KLRG1: variants seen among roughly 807,000 people sequenced by gnomAD.
KLRG1 encodes killer cell lectin-like receptor subfamily G member 1.
KLRG1 carries 16 observed loss-of-function variants against 21.8 expected under a neutral mutation model. That is an observed-to-expected ratio of 0.73 (90% CI 0.50 to 1.11). KLRG1 has a LOEUF of 1.11. Ranked by LOEUF, KLRG1 falls within the 50% of genes most tolerant of loss-of-function variation. KLRG1 has a pLI of 0.00. For missense variants in KLRG1, 173 were observed against 218.3 expected, an observed-to-expected ratio of 0.79 and a Z score of 1.31; for synonymous variants, 69 against 75.9, an observed-to-expected ratio of 0.91 and a Z score of 0.47.
the KLRG1 span, among the ~76,000 whole-genome samples, chr12:9,133,573 C>T: frequency 6.6e-6 from 1 of 152,134 alleles, no homozygotes; most frequent in Non-Finnish European, 1.5e-5. Flanking sequence ...GGAGATCCAA[C>T]ATAGATTGTG....
chr12:9,173,263 A>T, the KLRG1 span, among the ~76,000 whole-genome samples: 139 of 152,358 alleles, frequency 9.1e-4, no homozygotes, highest in Middle Eastern at 0.017. Context: ...TCAAGAAGTT[A>T]TTTGAAACTA....
the KLRG1 span, among the ~76,000 whole-genome samples, chr12:9,022,833 GA>G: frequency 6.6e-6 from 1 of 152,156 alleles, no homozygotes; most frequent in Admixed American, 6.5e-5. Flanking sequence ...CCTATGTAAT[GA>G]AGCTTCCATA....
the KLRG1 span, chr12:9,101,221 A>C: frequency 1.9e-6 from 3 of 1,553,596 alleles, no homozygotes; most frequent in South Asian, 3.6e-5. Context: ...CAAAAAAGGA[A>C]ATAAAAAGAA....
intron 3 of KLRG1, among the ~76,000 whole-genome samples, chr12:9,000,373 TA>T (rs755278109): frequency 6.6e-6 from 1 of 152,202 alleles, no homozygotes; most frequent in Non-Finnish European, 1.5e-5. Flanking sequence ...TAAGCTAGGA[TA>T]TTTCCACTAT....
At chr12:9,104,163 A>G in the KLRG1 span, 2 of 1,453,794 alleles carry the variant, frequency 1.4e-6, no homozygotes, top group Non-Finnish European at 1.9e-6. Flanking sequence ...CACAGTTTGG[A>G]AATTTTCTCA....
In KLRG1 at chr12:9,009,910, A is replaced by G; in HGVS notation, c.*373A>G. 2 of 1,521,754 alleles carry G rather than the reference A, an allele frequency of 1.3e-6. No individual in the cohort carries two copies. The highest frequency in any genetic ancestry group is 2.4e-5 in the South Asian group (2 of 82,512). 94.3% of individuals were successfully genotyped at this position (1,521,754 alleles called of 1,614,324 possible). A position where few individuals can be genotyped will look rare whatever the true frequency, so the allele number is the denominator to read the frequency against. ...AATCTGATAAAATCTATGCCAATAT[A>G]TACTATTGCTTGTGTACTAGAGAAG... On this transcript the variant is annotated 3_prime_UTR_variant, in exon 5 of 5. Coordinates refer to ENST00000356986, the MANE Select transcript of KLRG1 (RefSeq NM_005810.4).
chr12:9,088,502 T>C, the KLRG1 span, among the ~76,000 whole-genome samples: 1 of 152,136 alleles, frequency 6.6e-6, no homozygotes, highest in Non-Finnish European at 1.5e-5. Context: ...GTACATTTTA[T>C]GTGTTACATC....
chr12:9,048,261 C>G, the KLRG1 span, among the ~76,000 whole-genome samples: 186 of 152,130 alleles, frequency 1.2e-3, 2 homozygotes, highest in South Asian at 3.7e-3. Flanking sequence ...TAACATACTT[C>G]TAAATGACAT....
chr12:9,052,174 C>A, the KLRG1 span, among the ~76,000 whole-genome samples: 1 of 152,292 alleles, frequency 6.6e-6, no homozygotes, highest in South Asian at 2.1e-4. Context: ...GTGGATTATT[C>A]ATAATCTTGG....
downstream of KLRG1, among the ~76,000 whole-genome samples, chr12:9,012,297 A>G (rs1208646524): frequency 6.6e-6 from 1 of 152,198 alleles, no homozygotes; most frequent in Non-Finnish European, 1.5e-5. Context: ...ACAGAAGGAT[A>G]GGGCACCACC....
the KLRG1 span, chr12:9,101,380 C>A: frequency 2.1e-6 from 3 of 1,408,580 alleles, no homozygotes; most frequent in Non-Finnish European, 3.0e-6. Context: ...TAAAGAGCTT[C>A]ATGATTACTT....
chr12:9,104,124 G>T, the KLRG1 span: 3 of 1,031,064 alleles, frequency 2.9e-6, no homozygotes, highest in Non-Finnish European at 4.2e-6. Flanking sequence ...GTTTCTAATT[G>T]CTAGTTTTTT....
At chr12:9,183,151 T>C in the KLRG1 span, among the ~76,000 whole-genome samples, 1 of 152,198 alleles carries the variant, frequency 6.6e-6, no homozygotes, top group Non-Finnish European at 1.5e-5. Flanking sequence ...TCTAATACCC[T>C]TAGGAATATT....
the KLRG1 span, among the ~76,000 whole-genome samples, chr12:9,043,047 T>A: frequency 6.6e-6 from 1 of 152,002 alleles, no homozygotes; most frequent in East Asian, 1.9e-4. Flanking sequence ...TCTCACCATC[T>A]TTTTTGGGTT....
the KLRG1 span, among the ~76,000 whole-genome samples, chr12:9,073,093 T>G: frequency 6.6e-6 from 1 of 152,222 alleles, no homozygotes; most frequent in Admixed American, 6.5e-5. Flanking sequence ...TTTATTTTAT[T>G]TATCAGAAAA....
At chr12:9,020,281 T>A in the KLRG1 span, among the ~76,000 whole-genome samples, 1 of 152,116 alleles carries the variant, frequency 6.6e-6, no homozygotes, top group Non-Finnish European at 1.5e-5. Context: ...ATTTAAAGAG[T>A]AAAATTTGAT....
the KLRG1 span, among the ~76,000 whole-genome samples, chr12:9,015,898 T>A: frequency 2.6e-5 from 4 of 152,068 alleles, no homozygotes; most frequent in Admixed American, 2.6e-4. Context: ...AAACAGTATG[T>A]TACTGAATGA....
the KLRG1 span, among the ~76,000 whole-genome samples, chr12:9,048,362 T>C: frequency 6.7e-6 from 1 of 149,814 alleles, no homozygotes; most frequent in East Asian, 1.9e-4. Flanking sequence ...TCCTAACCCA[T>C]TCTATGAGAA....
chr12:9,207,081 A>C, the KLRG1 span, among the ~76,000 whole-genome samples: 1 of 152,210 alleles, frequency 6.6e-6, no homozygotes, highest in African/African-American at 2.4e-5. Flanking sequence ...TGAGGAAAGC[A>C]GGAGACTTAC....
Sources: gnomAD v4.1 joint callset for allele counts (sites outside exome capture counted in the v4.1 genomes callset) on GRCh38, gnomAD v4.1.1 for gene constraint, MANE v1.5 for transcripts, NCBI Gene and HGNC (gene_info 2026-07-23, HGNC 2026-07-21) for gene names.